MOB3B: variants seen among roughly 807,000 people sequenced by gnomAD.
The protein encoded by MOB3B is MOB kinase activator 3B, also known as MOB kinase activator-like 2B.
Under a neutral mutation model 18.7 loss-of-function variants are expected in MOB3B, and 7 were observed. The ratio of observed to expected loss-of-function variants is 0.37; its 90% CI spans 0.21 to 0.70. MOB3B has a LOEUF of 0.70. Ranked by LOEUF, MOB3B falls within the 30% of genes least tolerant of loss-of-function variation. MOB3B has a pLI of 0.52. For missense variants in MOB3B, 253 were observed against 281.3 expected (o/e 0.90, Z 0.72); for synonymous variants, 111 against 99.9 (o/e 1.11, Z -0.66).
chr9:27,505,225 C>T (rs1280087839), intron 1 of MOB3B, among the ~76,000 whole-genome samples: 2 of 152,166 alleles, frequency 1.3e-5, no homozygotes, highest in African/African-American at 4.8e-5. Context: ...TGGACAATGT[C>T]CTGCATTCAG....
At chr9:27,353,756 C>CT (rs1327177365) in intron 3 of MOB3B, among the ~76,000 whole-genome samples, 4 of 152,208 alleles carry the variant, frequency 2.6e-5, no homozygotes, top group African/African-American at 9.7e-5. Context: ...ACAGCCCTCT[C>CT]TGAGTCTGCT....
intron 2 of MOB3B, among the ~76,000 whole-genome samples, chr9:27,437,240 T>C (rs1822518518): frequency 6.6e-6 from 1 of 152,196 alleles, no homozygotes; most frequent in Admixed American, 6.5e-5. Context: ...AGAAAATAAA[T>C]TATTTGCTCT....
At chr9:27,356,000 C>T (rs1929169) in intron 3 of MOB3B, among the ~76,000 whole-genome samples, 59,611 of 151,924 alleles carry the variant, frequency 0.39, 11,927 homozygotes, top group Middle Eastern at 0.47. Flanking sequence ...ATGGTCATTT[C>T]GGCAATAGCA....
At chr9:27,454,722 T>A (rs115256271) in intron 2 of MOB3B, among the ~76,000 whole-genome samples, 2 of 152,170 alleles carry the variant, frequency 1.3e-5, no homozygotes, top group African/African-American at 4.8e-5. Flanking sequence ...CCCAAACAAA[T>A]CTATGAATTC....
chr9:27,511,377 T>A (rs1212983960), intron 1 of MOB3B, among the ~76,000 whole-genome samples: 2 of 152,158 alleles, frequency 1.3e-5, no homozygotes, highest in Non-Finnish European at 2.9e-5. Flanking sequence ...AAAATGGGGA[T>A]AAAATTGTCC....
chr9:27,367,099 T>C (rs1319086034), intron 2 of MOB3B, among the ~76,000 whole-genome samples: 1 of 152,186 alleles, frequency 6.6e-6, no homozygotes, highest in East Asian at 1.9e-4. Context: ...CTTAGTGGCC[T>C]GGCACCTGGA....
At chr9:27,464,259 G>GGAAA (rs1191978334) in intron 1 of MOB3B, among the ~76,000 whole-genome samples, 2 of 152,092 alleles carry the variant, frequency 1.3e-5, no homozygotes, top group African/African-American at 4.8e-5. Context: ...CTGCATAGGA[G>GGAAA]GAAAGAAAGA....
chr9:27,340,289 G>A (rs986712513), intron 3 of MOB3B, among the ~76,000 whole-genome samples: 1 of 152,096 alleles, frequency 6.6e-6, no homozygotes, highest in African/African-American at 2.4e-5. Context: ...CGCCACCCAC[G>A]GAGAATATTT....
intron 1 of MOB3B, among the ~76,000 whole-genome samples, chr9:27,486,067 T>C (rs1312743844): frequency 6.6e-6 from 1 of 152,194 alleles, no homozygotes; most frequent in African/African-American, 2.4e-5. Context: ...TAAACACACA[T>C]ACATGATGTA....
intron 1 of MOB3B, among the ~76,000 whole-genome samples, chr9:27,481,150 CAG>C (rs893066988): frequency 3.9e-5 from 6 of 152,062 alleles, no homozygotes; most frequent in African/African-American, 1.2e-4. Flanking sequence ...GAAGAAAAAA[CAG>C]AGTGAGACAA....
intron 3 of MOB3B, among the ~76,000 whole-genome samples, chr9:27,339,954 A>C (rs1282148359): frequency 6.6e-6 from 1 of 152,204 alleles, no homozygotes; most frequent in Non-Finnish European, 1.5e-5. Context: ...CAGTCTACAA[A>C]AATATTTTTA....
chr9:27,381,369 A>G (rs1261705863), intron 2 of MOB3B, among the ~76,000 whole-genome samples: 2 of 151,500 alleles, frequency 1.3e-5, no homozygotes, highest in Non-Finnish European at 2.9e-5. Flanking sequence ...ACTGCTAAAG[A>G]CTTAACACAT....
At chr9:27,444,637 A>G (rs1250843680) in intron 2 of MOB3B, among the ~76,000 whole-genome samples, 3 of 152,194 alleles carry the variant, frequency 2.0e-5, no homozygotes, top group Non-Finnish European at 4.4e-5. Context: ...AAAGGTTATA[A>G]TTTCATCAAA....
chr9:27,428,534 G>A (rs550257562), intron 2 of MOB3B, among the ~76,000 whole-genome samples: 6 of 152,336 alleles, frequency 3.9e-5, no homozygotes, highest in East Asian at 3.9e-4. Context: ...GAAATAAGAC[G>A]TGGTAGAGGC....
chr9:27,442,873 C>A (rs1822616664), intron 2 of MOB3B, among the ~76,000 whole-genome samples: 1 of 152,144 alleles, frequency 6.6e-6, no homozygotes, highest in Admixed American at 6.6e-5. Context: ...CTGGGCCTGT[C>A]TCATCTGCTA....
chr9:27,395,060 A>G (rs909409552), intron 2 of MOB3B, among the ~76,000 whole-genome samples: 4 of 152,250 alleles, frequency 2.6e-5, no homozygotes, highest in Admixed American at 1.3e-4. Context: ...AGGATAAAAA[A>G]TTTAGACATG....
chr9:27,369,612 C>G (rs774929899), intron 2 of MOB3B, among the ~76,000 whole-genome samples: 9 of 152,206 alleles, frequency 5.9e-5, no homozygotes, highest in Admixed American at 2.0e-4. Context: ...AGGCAAGACC[C>G]TTTATGATTT....
intron 1 of MOB3B, among the ~76,000 whole-genome samples, chr9:27,485,378 A>G (rs1336864898): frequency 1.3e-5 from 2 of 152,082 alleles, no homozygotes; most frequent in Admixed American, 1.3e-4. Context: ...ACTGAAACCC[A>G]CCTCTGCTGG....
chr9:27,419,517 C>T (rs550499583), intron 2 of MOB3B, among the ~76,000 whole-genome samples: 62 of 152,178 alleles, frequency 4.1e-4, no homozygotes, highest in Admixed American at 9.8e-4. Flanking sequence ...TACAGCCAAC[C>T]GATCTTCAAC....
Sources: gnomAD v4.1 joint callset for allele counts (sites outside exome capture counted in the v4.1 genomes callset) on GRCh38, gnomAD v4.1.1 for gene constraint, MANE v1.5 for transcripts, NCBI Gene and HGNC (gene_info 2026-07-23, HGNC 2026-07-21) for gene names.